Variants in KCNQ3 observed in about 807,000 individuals in gnomAD.
The protein encoded by KCNQ3 is potassium voltage-gated channel subfamily Q member 3, also known as potassium voltage-gated channel subfamily KQT member 3.
KCNQ3 carries 30 observed loss-of-function variants against 92.5 expected under a neutral mutation model. That is an observed-to-expected ratio of 0.32 (90% CI 0.24 to 0.44). The LOEUF (loss-of-function observed/expected upper bound fraction) is 0.44. KCNQ3 is among the 20% of genes least tolerant of loss of function. The pLI is 1.00. For synonymous variants in KCNQ3, 450 were observed against 468.8 expected (o/e 0.96, Z 0.52); for missense variants, 913 against 1,140.3 (o/e 0.80, Z 2.87).
At chr8:132,330,667 G>T (rs1586932540) in intron 1 of KCNQ3, among the ~76,000 whole-genome samples, 1 of 152,316 alleles carries the variant, frequency 6.6e-6, no homozygotes, top group East Asian at 1.9e-4. Flanking sequence ...AACATTAGGA[G>T]CTGGGAAGTA....
At chr8:132,352,670 T>C (rs1818908971) in intron 1 of KCNQ3, among the ~76,000 whole-genome samples, 1 of 152,196 alleles carries the variant, frequency 6.6e-6, no homozygotes. Flanking sequence ...CTCATCCTTT[T>C]CCTTTGATTT....
chr8:132,424,116 C>T (rs760565376), intron 1 of KCNQ3, among the ~76,000 whole-genome samples: 18 of 152,048 alleles, frequency 1.2e-4, no homozygotes, highest in Non-Finnish European at 2.4e-4. Context: ...CGAATGGCAG[C>T]CCACACCCCT....
chr8:132,323,276 C>G (rs938837069), intron 1 of KCNQ3, among the ~76,000 whole-genome samples: 1 of 152,144 alleles, frequency 6.6e-6, no homozygotes, highest in South Asian at 2.1e-4. Context: ...GACTTTAGCC[C>G]CATGGGTCCA....
intron 1 of KCNQ3, among the ~76,000 whole-genome samples, chr8:132,438,591 C>A (rs1014784236): frequency 3.9e-5 from 6 of 152,066 alleles, no homozygotes; most frequent in Non-Finnish European, 7.4e-5. Flanking sequence ...GGTGATGGAC[C>A]AGTAACATCT....
At chr8:132,161,722 G>A (rs1006671218) in intron 9 of KCNQ3, among the ~76,000 whole-genome samples, 1 of 152,102 alleles carries the variant, frequency 6.6e-6, no homozygotes, top group Admixed American at 6.6e-5. Context: ...CTGTCGGCCT[G>A]TTGAAGAAGC....
intron 1 of KCNQ3, among the ~76,000 whole-genome samples, chr8:132,314,318 C>T (rs74681197): frequency 2.6e-5 from 4 of 152,272 alleles, no homozygotes; most frequent in South Asian, 4.1e-4. Flanking sequence ...GACATTAAGT[C>T]GTCAGGTCTA....
chr8:132,457,305 T>C (rs1237169536), intron 1 of KCNQ3, among the ~76,000 whole-genome samples: 1 of 152,196 alleles, frequency 6.6e-6, no homozygotes, highest in Non-Finnish European at 1.5e-5. Flanking sequence ...TGTGTCCATA[T>C]AGTTTTTCAG....
In KCNQ3 at chr8:132,364,698, T is replaced by C. The variant is rs370382797; in HGVS notation, c.386+115449A>G. 3.7e-3 allele frequency among the ~76,000 whole-genome samples: 469 copies of C among 125,480 alleles called. 3 individuals are homozygous for C. Among genetic ancestry groups the C allele is most frequent in the South Asian group, 0.026 (86 of 3,300 alleles). 82.3% of individuals were successfully genotyped at this position (125,480 alleles called of 152,430 possible). On this transcript the variant is annotated intron_variant, in intron 1 of 14. Transcript: ENST00000388996. Reference sequence around the variant, plus strand: ...ACGGACGGACGGACGGACGGACGGATGGATGGATGGATGGATGGATGGACG... The same window carrying C: ...ACGGACGGACGGACGGACGGACGGACGGATGGATGGATGGATGGATGGACG...
chr8:132,304,668 A>G (rs1817360632), intron 1 of KCNQ3, among the ~76,000 whole-genome samples: 1 of 152,224 alleles, frequency 6.6e-6, no homozygotes, highest in South Asian at 2.1e-4. Context: ...CATATTGGAC[A>G]GTGCAGCTTA....
At chr8:132,164,955 G>A (rs1826099793) in intron 8 of KCNQ3, among the ~76,000 whole-genome samples, 1 of 152,074 alleles carries the variant, frequency 6.6e-6, no homozygotes, top group Non-Finnish European at 1.5e-5. Flanking sequence ...TGTGCCAATG[G>A]ATGAAGGGCC....
intron 1 of KCNQ3, among the ~76,000 whole-genome samples, chr8:132,403,052 A>C (rs953808777): frequency 7.4e-5 from 11 of 149,152 alleles, no homozygotes; most frequent in Non-Finnish European, 1.3e-4. Context: ...TTGGTATGTC[A>C]ATTGTAACAA....
chr8:132,330,880 G>A (rs1818208060), intron 1 of KCNQ3, among the ~76,000 whole-genome samples: 1 of 152,240 alleles, frequency 6.6e-6, no homozygotes, highest in East Asian at 1.9e-4. Context: ...AGCCCCAGGA[G>A]TCAGTGGCAA....
chr8:132,329,809 C>T (rs1440297618), intron 1 of KCNQ3, among the ~76,000 whole-genome samples: 8 of 152,116 alleles, frequency 5.3e-5, no homozygotes, highest in South Asian at 4.1e-4. Context: ...GACAAGGAAC[C>T]GCTCTCATCC....
intron 1 of KCNQ3, among the ~76,000 whole-genome samples, chr8:132,265,967 A>T (rs1436496945): frequency 6.6e-6 from 1 of 152,216 alleles, no homozygotes; most frequent in African/African-American, 2.4e-5. Context: ...AAGATAGAGC[A>T]GAGAGAGTTA....
At chr8:132,131,114 T>A (rs939056410) in intron 14 of KCNQ3, among the ~76,000 whole-genome samples, 8 of 152,180 alleles carry the variant, frequency 5.3e-5, no homozygotes, top group Admixed American at 2.0e-4. Flanking sequence ...ATTATCTCTA[T>A]TTCACAGGCA....
At chr8:132,262,750 A>G (rs372769226) in intron 1 of KCNQ3, among the ~76,000 whole-genome samples, 2 of 151,954 alleles carry the variant, frequency 1.3e-5, no homozygotes, top group East Asian at 1.9e-4. Flanking sequence ...ACACTGTTAC[A>G]CCCGTCTTGG....
intron 6 of KCNQ3, among the ~76,000 whole-genome samples, 188 bp from the exon 7 acceptor site, chr8:132,172,881 A>G (rs1302252442): frequency 6.6e-6 from 1 of 152,242 alleles, no homozygotes; most frequent in African/African-American, 2.4e-5. Flanking sequence ...AGCTTGGTTA[A>G]GTGAAATGAG....
intron 1 of KCNQ3, among the ~76,000 whole-genome samples, chr8:132,348,712 C>G (rs1273072558): frequency 1.3e-5 from 2 of 152,216 alleles, no homozygotes; most frequent in Non-Finnish European, 2.9e-5. Flanking sequence ...ACTAACCAGG[C>G]AGTCCTGCTT....
In KCNQ3 at chr8:132,383,269, G is replaced by T. The variant is rs73345973; in HGVS notation, c.386+96878C>A. 2.1e-4 allele frequency among the ~76,000 whole-genome samples: 32 copies of T among 152,336 alleles called. No homozygotes were observed. The Middle Eastern group carries it at 0.01, about 49-fold the overall frequency. Reference sequence around the variant, plus strand: ...CCTCCGGCTGCTCCTGAGGCCACACGGCAGGCAGGGCCTGAGAAATCAGAC... The same window carrying T: ...CCTCCGGCTGCTCCTGAGGCCACACTGCAGGCAGGGCCTGAGAAATCAGAC... On this transcript the variant is annotated intron_variant, in intron 1 of 14. Coordinates refer to ENST00000388996, the MANE Select transcript of KCNQ3 (RefSeq NM_004519.4).
Sources: allele counts gnomAD v4.1 joint callset (sites outside exome capture counted in the v4.1 genomes callset), GRCh38; gene constraint gnomAD v4.1.1; transcripts MANE v1.5; gene names NCBI Gene and HGNC (gene_info 2026-07-23, HGNC 2026-07-21).